The following LDB2 variants were observed in gnomAD, a reference collection of about 807,000 sequenced individuals.
LDB2 encodes the protein LIM domain-binding protein 2.
In LDB2, 12 loss-of-function variants were observed where a neutral mutation model predicts 44.3. The observed-to-expected ratio is 0.27, with a 90% CI of 0.17 to 0.44. The LOEUF is 0.44. Ranked by LOEUF, LDB2 falls within the 20% of genes least tolerant of loss-of-function variation. LDB2 has a pLI of 1.00. For synonymous variants in LDB2, 164 were observed against 174.8 expected (o/e 0.94, Z 0.49); for missense variants, 344 against 473.5 (o/e 0.73, Z 2.54).
intron 1 of LDB2, among the ~76,000 whole-genome samples, chr4:16,840,677 C>T (rs986442808): frequency 1.3e-5 from 2 of 152,172 alleles, no homozygotes; most frequent in African/African-American, 4.8e-5. Flanking sequence ...TGACCTTGGA[C>T]GACTTATTTT....
At chr4:16,716,276 C>G (rs144757640) in intron 2 of LDB2, among the ~76,000 whole-genome samples, 1 of 152,256 alleles carries the variant, frequency 6.6e-6, no homozygotes, top group East Asian at 1.9e-4. Flanking sequence ...TCAGCAAACC[C>G]AGGAGTGGGA....
chr4:16,705,694 C>G (rs1754452506), intron 2 of LDB2, among the ~76,000 whole-genome samples: 2 of 152,124 alleles, frequency 1.3e-5, no homozygotes, highest in Non-Finnish European at 2.9e-5. Flanking sequence ...CGTGCTAGTC[C>G]TTTTTACAAA....
chr4:16,509,114 GAGTGA>G (rs1720718443), intron 6 of LDB2, among the ~76,000 whole-genome samples: 1 of 152,138 alleles, frequency 6.6e-6, no homozygotes, highest in Non-Finnish European at 1.5e-5. Context: ...TCCAAGGTAC[GAGTGA>G]AGTATGAACT....
chr4:16,836,073 C>T (rs879790286), intron 1 of LDB2, among the ~76,000 whole-genome samples: 4 of 152,206 alleles, frequency 2.6e-5, no homozygotes, highest in Admixed American at 2.6e-4. Context: ...GGCTTTAACA[C>T]ATCACTGTCT....
intron 1 of LDB2, among the ~76,000 whole-genome samples, chr4:16,782,210 G>A (rs368307781): frequency 1.3e-5 from 2 of 152,192 alleles, no homozygotes; most frequent in Admixed American, 1.3e-4. Context: ...AGGCCGCAAT[G>A]CTGCTTCCTT....
intron 5 of LDB2, among the ~76,000 whole-genome samples, chr4:16,575,705 C>A (rs1449808036): frequency 6.6e-6 from 1 of 152,170 alleles, no homozygotes; most frequent in Non-Finnish European, 1.5e-5. Flanking sequence ...CCTGAATGAC[C>A]AGTGGATCAA....
chr4:16,843,356 C>T (rs544546035), intron 1 of LDB2, among the ~76,000 whole-genome samples: 25 of 152,232 alleles, frequency 1.6e-4, no homozygotes, highest in African/African-American at 4.8e-4. Flanking sequence ...AGAAGCATGT[C>T]GTTTTCTTCA....
chr4:16,708,599 T>A (rs1347878339), intron 2 of LDB2, among the ~76,000 whole-genome samples: 5 of 152,162 alleles, frequency 3.3e-5, no homozygotes, highest in African/African-American at 1.2e-4. Context: ...TCATGGTGCA[T>A]CTATTACAAA....
chr4:16,777,993 C>T (rs1772325413), intron 1 of LDB2, among the ~76,000 whole-genome samples: 1 of 152,176 alleles, frequency 6.6e-6, no homozygotes, highest in Non-Finnish European at 1.5e-5. Context: ...CATCCCTCTC[C>T]ACCTCAGGAC....
At chr4:16,895,018 G>A (rs1247660643) in intron 1 of LDB2, among the ~76,000 whole-genome samples, 1 of 149,418 alleles carries the variant, frequency 6.7e-6, no homozygotes, top group Non-Finnish European at 1.5e-5. Flanking sequence ...AATTAGCGTA[G>A]TGCCAACATG....
chr4:16,740,082 T>C (rs1200243800), intron 2 of LDB2, among the ~76,000 whole-genome samples: 4 of 152,066 alleles, frequency 2.6e-5, no homozygotes, highest in Non-Finnish European at 4.4e-5. Flanking sequence ...ACAATTAATA[T>C]GATTAATGGA....
chr4:16,728,823 G>C (rs951734584), intron 2 of LDB2, among the ~76,000 whole-genome samples: 1 of 151,840 alleles, frequency 6.6e-6, no homozygotes, highest in Non-Finnish European at 1.5e-5. Flanking sequence ...TTGGTTAAAA[G>C]GCTAAATAAC....
Position 16,870,294 on chromosome 4 carries a change from C to T in LDB2, c.132+28060G>A, listed in dbSNP as rs1288316664. Among the ~76,000 whole-genome samples the T allele has an allele frequency of 9.2e-5, 14 of 152,166 alleles. 1 individual carries two copies. Among genetic ancestry groups the T allele is most frequent in the South Asian group, 8.3e-4 (4 of 4,830 alleles). On this transcript the variant is annotated intron_variant, in intron 1 of 7. Coordinates refer to ENST00000304523, the MANE Select transcript of LDB2 (RefSeq NM_001290.5). ...TTCATTACACAAAAAGGAGCGAAGG[C>T]TTATCCAGATCCAGAGATGGTTAGA...
At chr4:16,863,132 C>T (rs2110279031) in intron 1 of LDB2, among the ~76,000 whole-genome samples, 1 of 152,308 alleles carries the variant, frequency 6.6e-6, no homozygotes, top group East Asian at 1.9e-4. Context: ...GATGTATTGA[C>T]TAATGATTCC....
At chr4:16,517,605 C>T (rs904131849) in intron 5 of LDB2, among the ~76,000 whole-genome samples, 1 of 152,118 alleles carries the variant, frequency 6.6e-6, no homozygotes, top group African/African-American at 2.4e-5. Context: ...AATCCCAGGA[C>T]GCTGTGGAAA....
chr4:16,548,810 G>A (rs1313352806), intron 5 of LDB2, among the ~76,000 whole-genome samples: 1 of 152,172 alleles, frequency 6.6e-6, no homozygotes, highest in Non-Finnish European at 1.5e-5. Context: ...CCTACAGTCT[G>A]CTGACTGATT....
chr4:16,735,471 G>A (rs1040221712), intron 2 of LDB2, among the ~76,000 whole-genome samples: 4 of 151,888 alleles, frequency 2.6e-5, no homozygotes, highest in Non-Finnish European at 5.9e-5. Flanking sequence ...TGGGAGATGG[G>A]GCTTAACTTC....
chr4:16,872,881 AG>A (rs1216219405), intron 1 of LDB2, among the ~76,000 whole-genome samples: 1 of 152,240 alleles, frequency 6.6e-6, no homozygotes, highest in African/African-American at 2.4e-5. Context: ...AAGCAAGAAA[AG>A]CAAAAGATCC....
In LDB2 at chr4:16,739,688, GTATATATACATATATGTGTATA is replaced by G. The variant is rs1259800968; in HGVS notation, c.235+19448_235+19469del. 2.5e-3 allele frequency among the ~76,000 whole-genome samples: 144 copies of G among 57,202 alleles called. 41 individuals carry two copies. Among genetic ancestry groups the G allele is most frequent in the Non-Finnish European group, 4.0e-3 (112 of 27,808 alleles). 37.5% of individuals were successfully genotyped at this position (57,202 alleles called of 152,430 possible). ...TATATATACATATGTGTGTATATATGTATATATACATATATGTGTATATATGTATATATACATATATGTGTAT... is the reference window on the plus strand; with the variant it reads ...TATATATACATATGTGTGTATATATGTATGTATATATACATATATGTGTAT... On this transcript the variant is annotated intron_variant, in intron 2 of 7. Transcript: ENST00000304523.
Sources: allele counts gnomAD v4.1 joint callset (sites outside exome capture counted in the v4.1 genomes callset), GRCh38; gene constraint gnomAD v4.1.1; transcripts MANE v1.5; gene names NCBI Gene and HGNC (gene_info 2026-07-23, HGNC 2026-07-21).